The following GALNTL6 variants were observed in gnomAD, a reference collection of about 807,000 sequenced individuals.
GALNTL6 encodes the protein polypeptide N-acetylgalactosaminyltransferase like 6, also known as polypeptide N-acetylgalactosaminyltransferase-like 6.
A neutral mutation model predicts 73.7 loss-of-function variants in GALNTL6; 46 were observed. The ratio of observed to expected loss-of-function variants is 0.62; its 90% confidence interval spans 0.49 to 0.80. The LOEUF (loss-of-function observed/expected upper bound fraction) is 0.80. Among genes scored for constraint, GALNTL6 ranks in the 30% least tolerant of loss-of-function variants. The pLI is 0.00. For missense variants in GALNTL6, 604 were observed against 755.0 expected (o/e 0.80, Z 2.34); for synonymous variants, 259 against 263.7 (o/e 0.98, Z 0.17).
intron 11 of GALNTL6, among the ~76,000 whole-genome samples, chr4:173,013,579 AC>A (rs894580350): frequency 3.1e-5 from 1 of 31,820 alleles, no homozygotes; most frequent in Non-Finnish European, 6.2e-5. Flanking sequence ...CCCACCTCCC[AC>A]CCCCAGGCTA....
chr4:172,368,468 C>T (rs1742652943), intron 5 of GALNTL6, among the ~76,000 whole-genome samples: 1 of 152,166 alleles, frequency 6.6e-6, no homozygotes, highest in Non-Finnish European at 1.5e-5. Flanking sequence ...TGCAGTACAC[C>T]AATAAGTTTT....
chr4:172,896,149 G>A (rs538312845), intron 8 of GALNTL6, among the ~76,000 whole-genome samples: 18 of 152,324 alleles, frequency 1.2e-4, no homozygotes, highest in South Asian at 2.1e-4. Flanking sequence ...GTTTGGTCAT[G>A]TCATATATCC....
chr4:172,498,432 G>A (rs1309796252), intron 5 of GALNTL6, among the ~76,000 whole-genome samples: 2 of 151,958 alleles, frequency 1.3e-5, no homozygotes, highest in Non-Finnish European at 2.9e-5. Flanking sequence ...GTACTCTATA[G>A]TATAAATTTT....
chr4:172,980,946 A>T (rs767922022), intron 10 of GALNTL6, among the ~76,000 whole-genome samples: 1 of 152,206 alleles, frequency 6.6e-6, no homozygotes, highest in African/African-American at 2.4e-5. Context: ...AGAATCACAC[A>T]ATATATTTCC....
chr4:172,000,733 TAGGA>T (rs912398087), intron 2 of GALNTL6, among the ~76,000 whole-genome samples: 31 of 152,246 alleles, frequency 2.0e-4, no homozygotes, highest in African/African-American at 7.2e-4. Context: ...CTAAAATTGA[TAGGA>T]AGAGGATTCT....
intron 5 of GALNTL6, among the ~76,000 whole-genome samples, chr4:172,632,516 T>G (rs1739443135): frequency 6.6e-6 from 1 of 151,940 alleles, no homozygotes; most frequent in African/African-American, 2.4e-5. Flanking sequence ...ACTTTGAACT[T>G]GAGAGAGATA....
At chr4:172,164,579 G>C (rs1337517712) in intron 2 of GALNTL6, among the ~76,000 whole-genome samples, 1 of 151,790 alleles carries the variant, frequency 6.6e-6, no homozygotes, top group Admixed American at 6.6e-5. Flanking sequence ...TACAAATATG[G>C]AGCATTACCT....
At chr4:172,875,341 C>G (rs1460533442) in intron 7 of GALNTL6, among the ~76,000 whole-genome samples, 2 of 151,996 alleles carry the variant, frequency 1.3e-5, no homozygotes, top group Non-Finnish European at 2.9e-5. Context: ...ATGAATGAAT[C>G]CAATAAGAAT....
At chr4:172,807,376 A>G (rs566934902) in intron 5 of GALNTL6, among the ~76,000 whole-genome samples, 2 of 152,302 alleles carry the variant, frequency 1.3e-5, no homozygotes, top group African/African-American at 2.4e-5. Context: ...AAAATTCTAA[A>G]TTTTTTGTCA....
chr4:172,310,138 C>T (rs1740299790), intron 3 of GALNTL6, among the ~76,000 whole-genome samples: 1 of 152,102 alleles, frequency 6.6e-6, no homozygotes, highest in East Asian at 1.9e-4. Flanking sequence ...AAAGGGGTTA[C>T]TAATGATGTT....
At chr4:172,965,678 G>A (rs1750295754) in intron 10 of GALNTL6, among the ~76,000 whole-genome samples, 1 of 150,996 alleles carries the variant, frequency 6.6e-6, no homozygotes, top group Non-Finnish European at 1.5e-5. Context: ...ACATCTTAGT[G>A]CCCCAACAGT....
At chr4:172,026,823 AATT>A (rs1288582335) in intron 2 of GALNTL6, among the ~76,000 whole-genome samples, 1 of 152,102 alleles carries the variant, frequency 6.6e-6, no homozygotes, top group African/African-American at 2.4e-5. Context: ...TATAAAACAT[AATT>A]GGTAAATACA....
rs537957101 is a variant in GALNTL6, at chr4:172,855,992, A to G, written c.924-26798A>G. Among the ~76,000 whole-genome samples, 25 of 152,302 alleles carry G rather than the reference A, an allele frequency of 1.6e-4. No homozygotes were observed. The South Asian group carries it at 5.0e-3, about 30-fold the overall frequency. On this transcript the variant is annotated intron_variant, in intron 7 of 12. Coordinates refer to ENST00000506823, the MANE Select transcript of GALNTL6 (RefSeq NM_001034845.3). ...ATTTTCCTCCCGGTTGTCCAGGCCA[A>G]CGATCCACATTGTACTGCTTATGAA...
Position 171,976,538 on chromosome 4 carries a change from A to T in GALNTL6, c.138+161820A>T, listed in dbSNP as rs75333892. On this transcript the variant is annotated intron_variant, in intron 2 of 12. Transcript: ENST00000506823. ...TATGGTGTATCCACTGAATACTTCT[A>T]ATGAGCTGAGAGATATTGGTAAAGT... is the stretch of plus-strand genomic sequence containing the variant. Among the ~76,000 whole-genome samples, 633 of 152,324 alleles carry T rather than the reference A, an allele frequency of 4.2e-3. 3 individuals are homozygous for T. The highest frequency in any genetic ancestry group is 0.014 in the African/African-American group (596 of 41,566).
In GALNTL6 at chr4:172,840,763, A is replaced by G. The variant is rs545179224; in HGVS notation, c.923+27040A>G. ...AAATAAATATTCCTGTGAGAGACAA[A>G]GATATGTGCTATCGAGACTGTCCTT... On this transcript the variant is annotated intron_variant, in intron 7 of 12. Transcript: ENST00000506823. Among the ~76,000 whole-genome samples, 22 of 152,254 alleles carry G rather than the reference A, an allele frequency of 1.4e-4. No homozygotes were observed. The South Asian group carries it at 4.6e-3, about 32-fold the overall frequency.
chr4:172,095,661 A>T (rs887133452), intron 2 of GALNTL6, among the ~76,000 whole-genome samples: 1 of 151,972 alleles, frequency 6.6e-6, no homozygotes, highest in African/African-American at 2.4e-5. Context: ...AAAGCAGAGC[A>T]TAGAATAATG....
intron 3 of GALNTL6, among the ~76,000 whole-genome samples, chr4:172,308,069 A>G (rs1245512252): frequency 2.7e-5 from 2 of 75,298 alleles, no homozygotes; most frequent in African/African-American, 1.1e-4. Flanking sequence ...TGTTGATTTG[A>G]TTCTCAGCTT....
At chr4:171,924,582 A>G (rs1737916270) in intron 2 of GALNTL6, among the ~76,000 whole-genome samples, 1 of 151,988 alleles carries the variant, frequency 6.6e-6, no homozygotes, top group African/African-American at 2.4e-5. Context: ...TTTCTTTTTG[A>G]CTCTGAGTTC....
At chr4:172,368,951 C>T (rs989715633) in intron 5 of GALNTL6, among the ~76,000 whole-genome samples, 6 of 152,112 alleles carry the variant, frequency 3.9e-5, no homozygotes, top group Admixed American at 2.0e-4. Flanking sequence ...CTCATAAAGG[C>T]GGCACAGACC....
Sources: allele counts gnomAD v4.1 joint callset (sites outside exome capture counted in the v4.1 genomes callset), GRCh38; gene constraint gnomAD v4.1.1; transcripts MANE v1.5; gene names NCBI Gene and HGNC (gene_info 2026-07-23, HGNC 2026-07-21).